GAS7: variants seen among roughly 807,000 people sequenced by gnomAD.
GAS7 encodes growth arrest specific 7.
GAS7 carries 28 observed loss-of-function variants against 71.1 expected under a neutral mutation model. That is an observed-to-expected ratio of 0.39 (90% CI 0.29 to 0.54). The LOEUF is 0.54. GAS7 is among the 20% of genes least tolerant of loss of function. GAS7 has a pLI of 0.62. For synonymous variants in GAS7, 258 were observed against 245.8 expected (o/e 1.05, Z -0.46); for missense variants, 436 against 627.8 (o/e 0.69, Z 3.27).
chr17:9,983,469 T>C (rs2070514550), intron 2 of GAS7, among the ~76,000 whole-genome samples: 1 of 152,068 alleles, frequency 6.6e-6, no homozygotes, highest in Non-Finnish European at 1.5e-5. Flanking sequence ...CCAGCCTGGG[T>C]GACAGAGCAA....
intron 1 of GAS7, among the ~76,000 whole-genome samples, chr17:10,139,708 A>G (rs1310476554): frequency 6.6e-6 from 1 of 152,200 alleles, no homozygotes; most frequent in African/African-American, 2.4e-5. Flanking sequence ...TCCTTTCCTT[A>G]TACATTCTGC....
At chr17:10,119,842 A>G (rs1327213288) in intron 1 of GAS7, among the ~76,000 whole-genome samples, 5 of 152,130 alleles carry the variant, frequency 3.3e-5, no homozygotes, top group African/African-American at 9.7e-5. Context: ...TGATCCAAGC[A>G]CCTGCTGGGC....
intron 3 of GAS7, among the ~76,000 whole-genome samples, chr17:9,973,057 A>G (rs2152121905): frequency 6.6e-6 from 1 of 152,284 alleles, no homozygotes; most frequent in Non-Finnish European, 1.5e-5. Flanking sequence ...AAAACAGGAG[A>G]ACGGAATAGA....
At chr17:9,988,199 T>G (rs2070711607) in intron 2 of GAS7, among the ~76,000 whole-genome samples, 1 of 152,226 alleles carries the variant, frequency 6.6e-6, no homozygotes, top group South Asian at 2.1e-4. Context: ...GCGGTCTCTC[T>G]ACCCATGGCT....
At chr17:10,030,218 G>A (rs773838901) in intron 1 of GAS7, among the ~76,000 whole-genome samples, 26 of 152,200 alleles carry the variant, frequency 1.7e-4, no homozygotes, top group Admixed American at 8.5e-4. Context: ...GCCCCGAGGG[G>A]GCAGTCAGCT....
intron 1 of GAS7, among the ~76,000 whole-genome samples, chr17:10,087,036 C>A (rs1368321647): frequency 6.6e-6 from 1 of 152,194 alleles, no homozygotes; most frequent in South Asian, 2.1e-4. Context: ...CTCTACTGGG[C>A]ATCAGCAGAG....
chr17:10,190,923 C>T (rs1388652222), intron 1 of GAS7, among the ~76,000 whole-genome samples: 1 of 151,632 alleles, frequency 6.6e-6, no homozygotes, highest in Non-Finnish European at 1.5e-5. Context: ...CGCCTGTAAT[C>T]CCAGCACTTT....
chr17:10,076,839 A>G (rs777846347), intron 1 of GAS7, among the ~76,000 whole-genome samples: 1 of 104,880 alleles, frequency 9.5e-6, no homozygotes, highest in Non-Finnish European at 2.0e-5. Context: ...AAAACAGCGC[A>G]TATCACCAGA....
intron 1 of GAS7, among the ~76,000 whole-genome samples, chr17:10,191,726 T>A (rs7209846): frequency 0.066 from 9,934 of 151,076 alleles, 546 homozygotes; most frequent in East Asian, 0.22. Flanking sequence ...AATACAAAAA[T>A]TAGCCAGGCA....
intron 1 of GAS7, among the ~76,000 whole-genome samples, chr17:10,126,649 C>G (rs1217179102): frequency 1.3e-5 from 2 of 152,148 alleles, no homozygotes; most frequent in East Asian, 3.9e-4. Flanking sequence ...CACATATTCT[C>G]TCTCTCAAGA....
rs564512368 is a variant in GAS7, at chr17:9,914,847, T to C, written c.*2381A>G. ...TTGTCTTGAGCATTCGCTGAATGAATGCAGATTAATCAGAACAACAGACTT... is the reference window on the plus strand; with the variant it reads ...TTGTCTTGAGCATTCGCTGAATGAACGCAGATTAATCAGAACAACAGACTT... On this transcript the variant is annotated 3_prime_UTR_variant, in exon 14 of 14. Transcript: ENST00000432992. 1 of 231,206 alleles carries C rather than the reference T, an allele frequency of 4.3e-6. No homozygotes were observed. Among genetic ancestry groups the C allele is most frequent in the Non-Finnish European group, 8.6e-6 (1 of 116,730 alleles). 14.3% of individuals were successfully genotyped at this position (231,206 alleles called of 1,614,324 possible).
chr17:9,913,069 G>C lies in GAS7; in HGVS notation c.*4159C>G, dbSNP rs2270118. The C allele has an allele frequency of 0.012, 2,755 of 232,506 alleles. 119 individuals are homozygous for C. The highest frequency in any genetic ancestry group is 0.11 in the East Asian group (1,890 of 16,480). The allele number at this position is 232,506 out of a possible 1,614,324, so 14.4% of individuals were successfully genotyped here. The stretch of plus-strand genomic sequence containing the variant: ...AGAGGGCAGGAGAAGGGAATTTTTT[G>C]GAGGGTTAAAAACAGGTTGATCTTG... On this transcript the variant is annotated 3_prime_UTR_variant, in exon 14 of 14. Coordinates refer to ENST00000432992, the MANE Select transcript of GAS7 (RefSeq NM_201433.2).
At chr17:10,056,495 T>C (rs1052931139) in intron 1 of GAS7, among the ~76,000 whole-genome samples, 2 of 151,398 alleles carry the variant, frequency 1.3e-5, no homozygotes, top group South Asian at 2.1e-4. Context: ...ACTCTGACTC[T>C]GGAAAAAATA....
chr17:10,003,511 C>T (rs1648174911), intron 2 of GAS7, among the ~76,000 whole-genome samples: 1 of 152,196 alleles, frequency 6.6e-6, no homozygotes, highest in Admixed American at 6.5e-5. Flanking sequence ...GACCCTATCC[C>T]AACATATTAC....
chr17:9,931,418 G>A (rs892660816), intron 9 of GAS7, among the ~76,000 whole-genome samples: 7 of 151,960 alleles, frequency 4.6e-5, no homozygotes, highest in Non-Finnish European at 1.0e-4. Context: ...CAAGATTCCC[G>A]GGGACCCAGC....
chr17:9,991,748 T>G (rs1004488547), intron 2 of GAS7, among the ~76,000 whole-genome samples: 1 of 151,484 alleles, frequency 6.6e-6, no homozygotes, highest in African/African-American at 2.4e-5. Context: ...TGACCCAAAC[T>G]TGGGTTGAAG....
In GAS7 at chr17:9,969,562, C is replaced by T; in HGVS notation, c.471+115G>A. On this transcript the variant is annotated intron_variant, in intron 4 of 13. Coordinates refer to ENST00000432992, the MANE Select transcript of GAS7 (RefSeq NM_201433.2). The surrounding 1 kb of genome is among the most constrained non-coding windows in gnomAD (Gnocchi z 5.5). ...ACCCAGACACAGCAACCACTTTCTA[C>T]CTGGGGGCAGAACTGGGCTGCAGCC... 4.4e-6 allele frequency: 3 copies of T among 675,046 alleles called. No individual in the cohort carries two copies. The highest frequency in any genetic ancestry group is 8.2e-6 in the Non-Finnish European group (3 of 367,988). The allele number at this position is 675,046 out of a possible 1,614,324, so 41.8% of individuals were successfully genotyped here.
intron 2 of GAS7, among the ~76,000 whole-genome samples, chr17:9,998,466 T>C (rs1285642817): frequency 6.6e-6 from 1 of 151,596 alleles, no homozygotes; most frequent in Non-Finnish European, 1.5e-5. Context: ...AAGGCAAGAC[T>C]GCGGAGAGAA....
intron 1 of GAS7, among the ~76,000 whole-genome samples, chr17:10,184,438 C>T (rs2074437692): frequency 6.6e-6 from 1 of 152,218 alleles, no homozygotes; most frequent in African/African-American, 2.4e-5. Flanking sequence ...TGGGTAGCCT[C>T]ATATAATCCA....
Sources: allele counts gnomAD v4.1 joint callset (sites outside exome capture counted in the v4.1 genomes callset), GRCh38; gene constraint gnomAD v4.1.1; non-coding constraint Gnocchi (gnomAD v3.1); transcripts MANE v1.5; gene names NCBI Gene and HGNC (gene_info 2026-07-23, HGNC 2026-07-21).